Variants in ATP11A observed in about 807,000 individuals in gnomAD.
ATP11A encodes the protein phospholipid-transporting ATPase IH.
In ATP11A, 81 loss-of-function variants were observed where a neutral mutation model predicts 154.4. The observed-to-expected ratio is 0.52, with a 90% confidence interval of 0.44 to 0.63. The LOEUF is 0.63. ATP11A is among the 30% of genes least tolerant of loss of function. ATP11A has a pLI of 0.00. For missense variants in ATP11A, 1,316 were observed against 1,474.3 expected (o/e 0.89, Z 1.76); for synonymous variants, 623 against 585.9 (o/e 1.06, Z -0.91).
chr13:112,810,157 C>T (rs1462484394), intron 4 of ATP11A, among the ~76,000 whole-genome samples: 1 of 152,098 alleles, frequency 6.6e-6, no homozygotes, highest in African/African-American at 2.4e-5. Flanking sequence ...GAAGAATGGC[C>T]AGTGGGGGCT....
rs1354252360 is a variant in ATP11A at position 112,832,902 on chromosome 13, A to G, written c.1438A>G (p.Thr480Ala). Residue 480 changes from threonine to alanine, a missense_variant, in exon 14 of 30, where the codon ACC (threonine) becomes GCC (alanine). Coordinates refer to ENST00000375645, the MANE Select transcript of ATP11A (RefSeq NM_015205.3). The stretch of plus-strand genomic sequence containing the variant: ...TTTCCGGGCCCTCTGTCTCTGCCAC[A>G]CCGTCCAGGTGAAAGACGATGACAG... ...LFFRALCLCH[T>A]VQVKDDDSVD... is the part of the protein sequence containing the mutation. 3.7e-6 allele frequency: 6 copies of G among 1,613,852 alleles called. No individual in the cohort carries two copies. The East Asian group carries it at 6.7e-5, about 18-fold the overall frequency.
intron 1 of ATP11A, among the ~76,000 whole-genome samples, chr13:112,714,505 C>G (rs936417203): frequency 6.6e-6 from 1 of 152,194 alleles, no homozygotes; most frequent in Non-Finnish European, 1.5e-5. Context: ...CAGCTCTGGG[C>G]CTCCCCAGGG....
intron 28 of ATP11A, among the ~76,000 whole-genome samples, chr13:112,877,705 G>C (rs1038650461): frequency 1.3e-5 from 2 of 152,154 alleles, no homozygotes; most frequent in African/African-American, 4.8e-5. Flanking sequence ...AGTTGAACTC[G>C]GGGGGTTAGG....
chr13:112,856,050 C>T lies in ATP11A; in HGVS notation c.2383C>T (p.Leu795Phe). Residue 795 changes from leucine to phenylalanine, a missense_variant, in exon 20 of 30, where the codon CTC (leucine) becomes TTC (phenylalanine). Coordinates refer to ENST00000375645, the MANE Select transcript of ATP11A (RefSeq NM_015205.3). ...LEICRSCSAVLCCRMAPLQKA... is the reference protein window; with the variant it reads ...LEICRSCSAVFCCRMAPLQKA... ...AATCTGCCGGAGCTGCAGCGCGGTGCTCTGCTGCCGCATGGCGCCCTTGCA... is the reference window on the plus strand; with the variant it reads ...AATCTGCCGGAGCTGCAGCGCGGTGTTCTGCTGCCGCATGGCGCCCTTGCA... 6.2e-7 allele frequency: 1 copy of T among 1,613,860 alleles called. No individual in the cohort carries two copies. The highest frequency in any genetic ancestry group is 8.5e-7 in the Non-Finnish European group (1 of 1,179,998).
intron 1 of ATP11A, among the ~76,000 whole-genome samples, chr13:112,728,211 C>G (rs983472246): frequency 1.3e-5 from 2 of 152,224 alleles, no homozygotes; most frequent in Non-Finnish European, 2.9e-5. Flanking sequence ...ACCCAGATAA[C>G]TGGACTGGTG....
At chr13:112,792,413 G>A (rs2077885266) in intron 2 of ATP11A, among the ~76,000 whole-genome samples, 2 of 152,252 alleles carry the variant, frequency 1.3e-5, no homozygotes, top group South Asian at 4.2e-4. Flanking sequence ...ATGTTTTCCT[G>A]GGGTGGCGGA....
chr13:112,788,897 A>C (rs909362526), intron 2 of ATP11A, among the ~76,000 whole-genome samples: 1 of 151,448 alleles, frequency 6.6e-6, no homozygotes, highest in Non-Finnish European at 1.5e-5. Context: ...ATGTAGACCT[A>C]TTTAATTCAC....
intron 4 of ATP11A, among the ~76,000 whole-genome samples, chr13:112,809,509 G>A (rs1389734111): frequency 5.9e-5 from 9 of 152,146 alleles, no homozygotes; most frequent in Non-Finnish European, 8.8e-5. Context: ...CAGCGGGCCC[G>A]TGGCACAGGC....
At chr13:112,694,420 G>A (rs1566336056) in intron 1 of ATP11A, among the ~76,000 whole-genome samples, 1 of 152,190 alleles carries the variant, frequency 6.6e-6, no homozygotes, top group Non-Finnish European at 1.5e-5. Flanking sequence ...GCCTGCTGGC[G>A]TCGTGGGTCA....
rs2080029980 is a variant in ATP11A, at chr13:112,859,289, G to A, written c.2668-104G>A. 1 of 871,738 alleles carries A rather than the reference G, an allele frequency of 1.1e-6. No homozygotes were observed. Among genetic ancestry groups the A allele is most frequent in the Admixed American group, 1.7e-5 (1 of 58,848 alleles). The allele number at this position is 871,738 out of a possible 1,614,324, so 54.0% of individuals were successfully genotyped here. ...TTAGTGCTGTTCTGCCGCACGCTGG[G>A]TGCACGTGGATCCCTCCTCCCATGT... On this transcript the variant is annotated intron_variant, in intron 22 of 29. Transcript: ENST00000375645. The surrounding 1 kb of genome is among the most constrained non-coding windows in gnomAD (Gnocchi z 4.3).
At chr13:112,831,905 C>T (rs2079098215) in intron 13 of ATP11A, among the ~76,000 whole-genome samples, 1 of 151,924 alleles carries the variant, frequency 6.6e-6, no homozygotes, top group South Asian at 2.1e-4. Flanking sequence ...CGCACTCACA[C>T]ATGCCCAGAC....
chr13:112,732,975 T>C (rs910175330), intron 1 of ATP11A, among the ~76,000 whole-genome samples: 3 of 152,238 alleles, frequency 2.0e-5, no homozygotes, highest in Non-Finnish European at 4.4e-5. Context: ...ATTACAGTTT[T>C]GATTAAAACC....
intron 2 of ATP11A, among the ~76,000 whole-genome samples, chr13:112,797,497 TAGACTC>T (rs1335459666): frequency 1.3e-5 from 2 of 151,992 alleles, no homozygotes; most frequent in Non-Finnish European, 2.9e-5. Flanking sequence ...TGCAGAAAAT[TAGACTC>T]AGAAAAAATC....
At chr13:112,817,560 C>T (rs1276301120) in intron 6 of ATP11A, among the ~76,000 whole-genome samples, 2 of 152,190 alleles carry the variant, frequency 1.3e-5, no homozygotes, top group African/African-American at 4.8e-5. Context: ...GTTCCATCCA[C>T]CCAGAGACCC....
intron 1 of ATP11A, among the ~76,000 whole-genome samples, chr13:112,769,268 G>A (rs74115465): frequency 0.014 from 2,079 of 152,326 alleles, 41 homozygotes; most frequent in African/African-American, 0.046. Context: ...AGGACCTCCC[G>A]GCCCCACGGC....
At chr13:112,862,765 T>C (rs1174515584) in intron 25 of ATP11A, among the ~76,000 whole-genome samples, 190 bp downstream of exon 25, 8 of 147,094 alleles carry the variant, frequency 5.4e-5, no homozygotes, top group African/African-American at 2.1e-4. Context: ...ACATGTGCCG[T>C]AATTCAGTGC....
intron 25 of ATP11A, among the ~76,000 whole-genome samples, chr13:112,866,358 C>T (rs1201351058): frequency 6.6e-6 from 1 of 152,160 alleles, no homozygotes. Context: ...TCCTGACGCA[C>T]ATCCTTGCTG....
At chr13:112,782,675 A>G (rs2077528253) in intron 1 of ATP11A, among the ~76,000 whole-genome samples, 1 of 152,176 alleles carries the variant, frequency 6.6e-6, no homozygotes, top group Admixed American at 6.5e-5. Flanking sequence ...AGGGAGACCC[A>G]GTCCCGGAGG....
At chr13:112,723,647 AG>A (rs1390019065) in intron 1 of ATP11A, among the ~76,000 whole-genome samples, 1 of 151,778 alleles carries the variant, frequency 6.6e-6, no homozygotes, top group Non-Finnish European at 1.5e-5. Context: ...CCCAAAAGGG[AG>A]GGGGTAGAAG....
Sources: allele counts gnomAD v4.1 joint callset (sites outside exome capture counted in the v4.1 genomes callset), GRCh38; gene constraint gnomAD v4.1.1; non-coding constraint Gnocchi (gnomAD v3.1); transcripts MANE v1.5; gene names NCBI Gene and HGNC (gene_info 2026-07-23, HGNC 2026-07-21).